IL1RAPL1: variants seen among roughly 807,000 people sequenced by gnomAD.
IL1RAPL1 encodes the protein interleukin 1 receptor accessory protein like 1.
IL1RAPL1 carries 3 observed loss-of-function variants against 48.4 expected under a neutral mutation model. The observed-to-expected ratio is 0.06, with a 90% confidence interval of 0.03 to 0.16. The LOEUF is 0.16. Among genes scored for constraint, IL1RAPL1 ranks in the 10% least tolerant of loss-of-function variants. The probability of loss-of-function intolerance (pLI) is 1.00; values close to 1 mark genes in which losing one functional copy is unlikely to be tolerated. For synonymous variants in IL1RAPL1, 185 were observed against 187.7 expected, an observed-to-expected ratio of 0.99 and a Z score of 0.12; for missense variants, 349 against 530.6, an observed-to-expected ratio of 0.66 and a Z score of 3.36.
intron 2 of IL1RAPL1, among the ~76,000 whole-genome samples, chrX:29,139,273 G>A (rs893216445): frequency 1.8e-5 from 2 of 111,007 alleles, no homozygotes; most frequent in Non-Finnish European, 3.8e-5. Context: ...AGTCAGGAGG[G>A]AAGAATGGCA....
At chrX:28,599,132 C>T (rs964286083) in intron 1 of IL1RAPL1, among the ~76,000 whole-genome samples, 2 of 108,325 alleles carry the variant, frequency 1.8e-5, no homozygotes, top group African/African-American at 6.7e-5. Context: ...TCCCAGCCGG[C>T]TACTCGGGAG....
chrX:28,754,353 C>T (rs1936083381), intron 1 of IL1RAPL1, among the ~76,000 whole-genome samples: 1 of 112,118 alleles, frequency 8.9e-6, no homozygotes, highest in African/African-American at 3.2e-5. Context: ...TTTCTTATGC[C>T]ATTTTAACTT....
intron 6 of IL1RAPL1, among the ~76,000 whole-genome samples, chrX:29,711,383 A>T (rs763435211): frequency 9.2e-6 from 1 of 108,776 alleles, no homozygotes; most frequent in South Asian, 4.1e-4. Context: ...GGGTTTCTCT[A>T]TGTTGGTCAG....
intron 2 of IL1RAPL1, among the ~76,000 whole-genome samples, chrX:29,035,011 C>T (rs755922159): frequency 6.3e-5 from 7 of 110,834 alleles, no homozygotes; most frequent in Non-Finnish European, 1.3e-4. Flanking sequence ...CCTGCCACCA[C>T]GCCCGGCTAA....
At chrX:29,218,649 AAACAAT>A (rs1358244801) in intron 2 of IL1RAPL1, among the ~76,000 whole-genome samples, 5 of 112,128 alleles carry the variant, frequency 4.5e-5, no homozygotes, top group African/African-American at 1.6e-4. Context: ...TTCATTATTA[AAACAAT>A]AATGTACAAC....
intron 5 of IL1RAPL1, among the ~76,000 whole-genome samples, chrX:29,609,603 G>A (rs4829113): frequency 0.46 from 50,925 of 111,067 alleles, 10,161 homozygotes; most frequent in African/African-American, 0.78. Flanking sequence ...GAGCCAATTG[G>A]CTTTTAGTGT....
At chrX:29,402,077 A>G (rs1347575823) in intron 5 of IL1RAPL1, among the ~76,000 whole-genome samples, 1 of 110,864 alleles carries the variant, frequency 9.0e-6, no homozygotes, top group African/African-American at 3.3e-5. Context: ...TATTTTTAGT[A>G]GAGACCGGGT....
chrX:29,215,047 A>AT (rs751845993), intron 2 of IL1RAPL1, among the ~76,000 whole-genome samples: 11 of 110,915 alleles, frequency 9.9e-5, no homozygotes, highest in East Asian at 5.6e-4. Flanking sequence ...GGCTGTCAAG[A>AT]TTTTTTTTTA....
chrX:29,711,189 CT>C (rs397896336), intron 6 of IL1RAPL1, among the ~76,000 whole-genome samples: 14 of 91,413 alleles, frequency 1.5e-4, no homozygotes, highest in East Asian at 3.7e-4. Flanking sequence ...TTTTTCTTTT[CT>C]TTTTTTTTTT....
chrX:28,825,224 A>G, intron 2 of IL1RAPL1, among the ~76,000 whole-genome samples: 1 of 111,765 alleles, frequency 8.9e-6, no homozygotes, highest in East Asian at 2.8e-4. Flanking sequence ...AGTATCTTTT[A>G]TTTGACATTT....
chrX:28,905,163 G>A (rs1480449080), intron 2 of IL1RAPL1, among the ~76,000 whole-genome samples: 2 of 110,914 alleles, frequency 1.8e-5, no homozygotes, highest in Non-Finnish European at 1.9e-5. Flanking sequence ...CAGTAACAAA[G>A]TATCATTTTC....
chrX:28,593,687 G>A (rs1041331080), intron 1 of IL1RAPL1, among the ~76,000 whole-genome samples: 5 of 111,209 alleles, frequency 4.5e-5, no homozygotes, highest in East Asian at 5.6e-4. Flanking sequence ...TTACTCTTTC[G>A]ATGTTTATTA....
intron 5 of IL1RAPL1, among the ~76,000 whole-genome samples, chrX:29,627,042 G>A (rs1321219694): frequency 1.8e-5 from 2 of 112,480 alleles, no homozygotes; most frequent in Admixed American, 1.9e-4. Flanking sequence ...TATGTATTAA[G>A]TTATTTATTT....
intron 5 of IL1RAPL1, among the ~76,000 whole-genome samples, chrX:29,597,754 T>A (rs919030761): frequency 7.1e-5 from 8 of 112,168 alleles, no homozygotes; most frequent in African/African-American, 2.3e-4. Flanking sequence ...CTTTCTGGTT[T>A]AATCTAGGAG....
chrX:29,220,274 A>G (rs1228834740), intron 2 of IL1RAPL1, among the ~76,000 whole-genome samples: 1 of 112,442 alleles, frequency 8.9e-6, no homozygotes, highest in Non-Finnish European at 1.9e-5. Context: ...TCAATTTGAC[A>G]TAATAATTCA....
intron 2 of IL1RAPL1, among the ~76,000 whole-genome samples, chrX:28,969,434 A>G (rs1229191922): frequency 9.1e-6 from 1 of 109,697 alleles, no homozygotes; most frequent in Non-Finnish European, 1.9e-5. Context: ...ATTTCAAGAC[A>G]TTGTTAGAAG....
chrX:29,321,560 G>T (rs1046987069), intron 3 of IL1RAPL1, among the ~76,000 whole-genome samples: 1 of 111,993 alleles, frequency 8.9e-6, no homozygotes, highest in Non-Finnish European at 1.9e-5. Flanking sequence ...ATGTGTGTGT[G>T]TATGTGTGTA....
At chrX:29,211,409 G>A (rs2147542207) in intron 2 of IL1RAPL1, among the ~76,000 whole-genome samples, 1 of 111,775 alleles carries the variant, frequency 8.9e-6, no homozygotes, top group East Asian at 2.8e-4. Flanking sequence ...TGAAGTAGGT[G>A]ACCATAAAAT....
chrX:29,292,187 C>T (rs1045404279), intron 3 of IL1RAPL1, among the ~76,000 whole-genome samples: 1 of 112,073 alleles, frequency 8.9e-6, no homozygotes, highest in Non-Finnish European at 1.9e-5. Context: ...GTGGAAAACA[C>T]TGCTATAGAC....
Sources: gnomAD v4.1 joint callset for allele counts (sites outside exome capture counted in the v4.1 genomes callset) on GRCh38, gnomAD v4.1.1 for gene constraint, MANE v1.5 for transcripts, NCBI Gene and HGNC (gene_info 2026-07-23, HGNC 2026-07-21) for gene names.